Variants in GRM5 observed in about 807,000 individuals in gnomAD.
GRM5 encodes glutamate metabotropic receptor 5, also known as metabotropic glutamate receptor 5.
In GRM5, 19 loss-of-function variants were observed where a neutral mutation model predicts 83.1. The observed-to-expected ratio is 0.23, with a 90% CI of 0.16 to 0.34. The LOEUF is 0.34. Among genes scored for constraint, GRM5 ranks in the 10% least tolerant of loss-of-function variants. The pLI, the probability that GRM5 is intolerant of heterozygous loss-of-function variation, is 1.00. For missense variants in GRM5, 1,160 were observed against 1,588.3 expected, an observed-to-expected ratio of 0.73 and a Z score of 4.58; for synonymous variants, 675 against 633.6, an observed-to-expected ratio of 1.07 and a Z score of -0.98.
intron 3 of GRM5, among the ~76,000 whole-genome samples, chr11:88,746,205 G>A (rs940492146): frequency 2.0e-5 from 3 of 152,058 alleles, no homozygotes; most frequent in African/African-American, 7.2e-5. Context: ...TGTCTCTCTA[G>A]GAATAGCATC....
intron 3 of GRM5, among the ~76,000 whole-genome samples, chr11:88,719,314 A>G (rs776663664): frequency 7.9e-5 from 12 of 151,892 alleles, no homozygotes; most frequent in Non-Finnish European, 1.0e-4. Flanking sequence ...GAGAACATGC[A>G]GTGTTTGGTT....
intron 2 of GRM5, among the ~76,000 whole-genome samples, chr11:88,985,048 T>A (rs1337589009): frequency 2.6e-5 from 4 of 151,976 alleles, no homozygotes; most frequent in Non-Finnish European, 5.9e-5. Flanking sequence ...ACAGGTACAG[T>A]CTAAGAAATA....
chr11:88,870,784 G>A (rs2135561095), intron 2 of GRM5, among the ~76,000 whole-genome samples: 1 of 151,586 alleles, frequency 6.6e-6, no homozygotes, highest in Admixed American at 6.6e-5. Flanking sequence ...GGGGATATGG[G>A]TGTACGTGTA....
intron 3 of GRM5, among the ~76,000 whole-genome samples, chr11:88,776,153 G>A (rs1462205715): frequency 1.3e-5 from 2 of 152,170 alleles, no homozygotes; most frequent in Non-Finnish European, 1.5e-5. Flanking sequence ...ATTTAGGATA[G>A]TTAGCTCTTC....
At chr11:88,572,739 A>G (rs2135180659) in intron 7 of GRM5, among the ~76,000 whole-genome samples, 1 of 152,178 alleles carries the variant, frequency 6.6e-6, no homozygotes, top group African/African-American at 2.4e-5. Flanking sequence ...ATTTTCTTCT[A>G]ATCACTGGGC....
intron 9 of GRM5, among the ~76,000 whole-genome samples, chr11:88,520,096 TGTGTA>T (rs1031777115): frequency 2.1e-4 from 32 of 152,284 alleles, no homozygotes; most frequent in African/African-American, 7.5e-4. Flanking sequence ...CATTTTCCTG[TGTGTA>T]GCATGGGAAG....
At chr11:88,813,503 T>C (rs1943619273) in intron 3 of GRM5, among the ~76,000 whole-genome samples, 1 of 152,176 alleles carries the variant, frequency 6.6e-6, no homozygotes, top group African/African-American at 2.4e-5. Flanking sequence ...CCAATGAAAA[T>C]TCTGTCATAT....
intron 2 of GRM5, among the ~76,000 whole-genome samples, chr11:88,857,999 C>A (rs1205576735): frequency 6.6e-6 from 1 of 152,006 alleles, no homozygotes; most frequent in African/African-American, 2.4e-5. Context: ...TTATAAATGT[C>A]ATGGATACGA....
chr11:88,772,157 T>A (rs1246052306), intron 3 of GRM5, among the ~76,000 whole-genome samples: 1 of 152,112 alleles, frequency 6.6e-6, no homozygotes, highest in African/African-American at 2.4e-5. Flanking sequence ...ATTTTAAACA[T>A]AAAGATATCT....
intron 9 of GRM5, among the ~76,000 whole-genome samples, chr11:88,524,780 T>G (rs1227176139): frequency 6.6e-6 from 1 of 152,196 alleles, no homozygotes; most frequent in Non-Finnish European, 1.5e-5. Context: ...GCCACTTGTC[T>G]CTACAGTCCA....
intron 3 of GRM5, among the ~76,000 whole-genome samples, chr11:88,779,627 C>T (rs1019639248): frequency 2.0e-5 from 3 of 152,004 alleles, no homozygotes; most frequent in Non-Finnish European, 2.9e-5. Context: ...ACACACACAC[C>T]CTCATACCCA....
chr11:88,731,780 A>G (rs2135407224), intron 3 of GRM5, among the ~76,000 whole-genome samples: 1 of 152,136 alleles, frequency 6.6e-6, no homozygotes, highest in South Asian at 2.1e-4. Context: ...TAGTTTACCA[A>G]AACAATCACA....
At chr11:88,542,717 G>T (rs1942294687) in intron 8 of GRM5, among the ~76,000 whole-genome samples, 1 of 152,160 alleles carries the variant, frequency 6.6e-6, no homozygotes, top group East Asian at 1.9e-4. Context: ...ATCCAATGGG[G>T]ATGATAAACA....
chr11:88,789,346 T>TAGAAAA (rs1356496901), intron 3 of GRM5, among the ~76,000 whole-genome samples: 2 of 147,698 alleles, frequency 1.4e-5, no homozygotes, highest in Non-Finnish European at 3.0e-5. Context: ...TTAAATAACA[T>TAGAAAA]AAAAGCAAAG....
At chr11:89,016,469 G>A (rs1034909713) in intron 2 of GRM5, among the ~76,000 whole-genome samples, 1 of 151,946 alleles carries the variant, frequency 6.6e-6, no homozygotes, top group African/African-American at 2.4e-5. Context: ...TAGTCTTATA[G>A]AAAGAAATTA....
intron 3 of GRM5, among the ~76,000 whole-genome samples, chr11:88,721,600 C>T (rs1265060305): frequency 6.6e-6 from 1 of 152,068 alleles, no homozygotes; most frequent in Non-Finnish European, 1.5e-5. Flanking sequence ...CAAGAATAAA[C>T]ATCTCCAGAT....
intron 4 of GRM5, among the ~76,000 whole-genome samples, chr11:88,631,240 C>T (rs887407411): frequency 3.9e-5 from 6 of 152,094 alleles, no homozygotes; most frequent in African/African-American, 1.2e-4. Context: ...ACAGGTATAC[C>T]GTACCAAAAC....
intron 3 of GRM5, among the ~76,000 whole-genome samples, chr11:88,747,352 A>T (rs897338538): frequency 2.0e-5 from 3 of 152,166 alleles, no homozygotes; most frequent in Non-Finnish European, 2.9e-5. Context: ...ACTGAAACTG[A>T]CCTAAGACTT....
chr11:88,712,843 C>G (rs970003092), intron 3 of GRM5, among the ~76,000 whole-genome samples: 4 of 152,020 alleles, frequency 2.6e-5, no homozygotes, highest in Non-Finnish European at 5.9e-5. Context: ...TGTGAACATG[C>G]TGTGAATAAT....
Sources: gnomAD v4.1 joint callset for allele counts (sites outside exome capture counted in the v4.1 genomes callset) on GRCh38, gnomAD v4.1.1 for gene constraint, MANE v1.5 for transcripts, NCBI Gene and HGNC (gene_info 2026-07-23, HGNC 2026-07-21) for gene names.